WDR33: variants seen among roughly 807,000 people sequenced by gnomAD.
WDR33 encodes the protein pre-mRNA 3' end processing protein WDR33.
In WDR33, 47 loss-of-function variants were observed where a neutral mutation model predicts 164.9. The ratio of observed to expected loss-of-function variants is 0.29; its 90% CI spans 0.23 to 0.36. The LOEUF is 0.36. Among genes scored for constraint, WDR33 ranks in the 10% least tolerant of loss-of-function variants. WDR33 has a pLI of 1.00. For missense variants in WDR33, 1,137 were observed against 1,754.1 expected, an observed-to-expected ratio of 0.65 and a Z score of 6.28; for synonymous variants, 505 against 589.0, an observed-to-expected ratio of 0.86 and a Z score of 2.06.
chr2:127,787,833 C>T (rs1573461457), intron 1 of WDR33, among the ~76,000 whole-genome samples: 7 of 61,412 alleles, frequency 1.1e-4, no homozygotes, highest in South Asian at 6.4e-4. Flanking sequence ...GCTGGCCGGG[C>T]GGGGGGGCTG....
chr2:127,764,109 C>T lies in WDR33; in HGVS notation c.626+719G>A, dbSNP rs763165857. The T allele has an allele frequency of 1.9e-5, 19 of 988,834 alleles. No homozygotes were observed. Among genetic ancestry groups the T allele is most frequent in the Non-Finnish European group, 2.2e-5 (18 of 832,436 alleles). The allele number at this position is 988,834 out of a possible 1,614,324, so 61.3% of individuals were successfully genotyped here. On this transcript the variant is annotated intron_variant, in intron 6 of 21. Transcript: ENST00000322313. This position sits in a 1 kb window ranked among gnomAD's most constrained non-coding sequence, Gnocchi z 6.2. ...CAATTCTTCAGGCTTGTATTTGGAA[C>T]TTTTTCCCCCAGTTTTACTATACAT...
At chr2:127,771,353 C>T (rs1353544036) in intron 1 of WDR33, among the ~76,000 whole-genome samples, 1 of 152,152 alleles carries the variant, frequency 6.6e-6, no homozygotes, top group East Asian at 1.9e-4. Flanking sequence ...AACCGTAACA[C>T]AATAAGTATT....
chr2:127,729,676 T>C (rs183178787), intron 7 of WDR33, among the ~76,000 whole-genome samples: 13 of 152,198 alleles, frequency 8.5e-5, no homozygotes, highest in Admixed American at 7.8e-4. Flanking sequence ...TTTGTATTTT[T>C]GGTAGAGATA....
chr2:127,788,115 A>T (rs1211805171), intron 1 of WDR33, among the ~76,000 whole-genome samples: 3 of 71,504 alleles, frequency 4.2e-5, no homozygotes, highest in Admixed American at 1.3e-4. Flanking sequence ...GGCCGGGCTG[A>T]GGGGCTCCTC....
intron 7 of WDR33, among the ~76,000 whole-genome samples, chr2:127,756,333 CCAAA>C (rs1687517903): frequency 1.0e-5 from 1 of 100,448 alleles, no homozygotes; most frequent in African/African-American, 4.3e-5. Context: ...GATTCCAACT[CCAAA>C]AAAAAAAAAA....
intron 7 of WDR33, among the ~76,000 whole-genome samples, chr2:127,728,569 T>A (rs1373666898): frequency 6.6e-6 from 1 of 152,188 alleles, no homozygotes; most frequent in Non-Finnish European, 1.5e-5. Flanking sequence ...TGCTTTGTCT[T>A]TTAAAAAGAA....
chr2:127,717,239 G>A lies in WDR33; in HGVS notation c.2785C>T (p.Pro929Ser), dbSNP rs1265951751. ...NQEGQSTGPP[P>S]LIPGLGQQGA... ...TGCTGCCCTAGGCCTGGTATCAGGG[G>A]TGGGGGGCCTGTGCTCTGTCCTTCC... Residue 929 changes from proline to serine, a missense_variant, in exon 17 of 22, where the codon CCC becomes TCC. By Grantham distance (74) the Pro-to-Ser change is moderately conservative. Around this residue, in one of 9 missense-constraint regions of WDR33, gnomAD observed 867 missense variants for 1,073.0 expected, o/e 0.81. Transcript: ENST00000322313. The surrounding 1 kb of genome is among the most constrained non-coding windows in gnomAD (Gnocchi z 5.6). 4 of 1,603,118 alleles carry A rather than the reference G, an allele frequency of 2.5e-6. No individual in the cohort carries two copies. The highest frequency in any genetic ancestry group is 3.4e-6 in the Non-Finnish European group (4 of 1,175,260).
rs77640703 is a variant in WDR33, at chr2:127,809,303, C to T, written c.-24+1709G>A. Among the ~76,000 whole-genome samples, 344 of 152,106 alleles carry T rather than the reference C, an allele frequency of 2.3e-3. 1 individual carries two copies. The highest frequency in any genetic ancestry group is 7.9e-3 in the African/African-American group (328 of 41,504). On this transcript the variant is annotated intron_variant, in intron 1 of 21. Transcript: ENST00000322313. Reference sequence around the variant, plus strand: ...ATTAAAGCCTTACGTCAATATAAAACCGTGATGGCAAAATCTGTTTAGTAT... The same window carrying T: ...ATTAAAGCCTTACGTCAATATAAAATCGTGATGGCAAAATCTGTTTAGTAT...
intron 7 of WDR33, among the ~76,000 whole-genome samples, chr2:127,750,650 T>TAAAAAAA (rs1174539929): frequency 4.7e-4 from 7 of 14,962 alleles, no homozygotes; most frequent in Non-Finnish European, 8.0e-4. Flanking sequence ...AACTCCATCT[T>TAAAAAAA]AAAAAAAAAA....
intron 1 of WDR33, among the ~76,000 whole-genome samples, chr2:127,786,056 G>A (rs1688553777): frequency 6.6e-6 from 1 of 152,128 alleles, no homozygotes; most frequent in South Asian, 2.1e-4. Flanking sequence ...TATTTTTTGA[G>A]AGAGTCTCCC....
chr2:127,789,690 T>C (rs1414574326), intron 1 of WDR33, among the ~76,000 whole-genome samples: 1 of 151,816 alleles, frequency 6.6e-6, no homozygotes, highest in Non-Finnish European at 1.5e-5. Flanking sequence ...TAAAAGCCTT[T>C]TCATTTCTTT....
In WDR33 at chr2:127,709,869, A is replaced by G; in HGVS notation, c.3309-13T>C. The G allele has an allele frequency of 6.2e-7, 1 of 1,613,018 alleles. No individual in the cohort carries two copies. Among genetic ancestry groups the G allele is most frequent in the Non-Finnish European group, 8.5e-7 (1 of 1,179,652 alleles). On this transcript the variant is annotated splice_polypyrimidine_tract_variant and intron_variant, in intron 18 of 21. Transcript: ENST00000322313. This position sits in a 1 kb window ranked among gnomAD's most constrained non-coding sequence, Gnocchi z 5.0. ...TCCTCTTCTGAAACTGTAAAGAGAA[A>G]ACAGCAGAATGTCCATCTCAGAGAA...
At position 127,712,408 on chromosome 2, in the gene WDR33, A is replaced by G. The variant is rs995165898; in HGVS notation, c.3308+1175T>C. Among the ~76,000 whole-genome samples the G allele has an allele frequency of 6.6e-6, 1 of 152,210 alleles. No homozygotes were observed. Among genetic ancestry groups the G allele is most frequent in the East Asian group, 1.9e-4 (1 of 5,152 alleles). On this transcript the variant is annotated intron_variant, in intron 18 of 21. Transcript: ENST00000322313. The surrounding 1 kb of genome is among the most constrained non-coding windows in gnomAD (Gnocchi z 4.0). Reference sequence around the variant, plus strand: ...AGACTCCGTCTCAAGAAGAAAAAAAAAAAAAAAGAAATGGGATGAAAGGAC... The same window carrying G: ...AGACTCCGTCTCAAGAAGAAAAAAAGAAAAAAAGAAATGGGATGAAAGGAC...
At position 127,710,267 on chromosome 2, in the gene WDR33, G is replaced by A. The variant is rs1686126227; in HGVS notation, c.3309-411C>T. The stretch of plus-strand genomic sequence containing the variant: ...TGGTGATCTGAACTCAGCCAGTCTT[G>A]ACCCTCGGCCCAGGTTCTGTATCAC... On this transcript the variant is annotated intron_variant, in intron 18 of 21. Transcript: ENST00000322313. This position sits in a 1 kb window ranked among gnomAD's most constrained non-coding sequence, Gnocchi z 4.4. 1.3e-5 allele frequency among the ~76,000 whole-genome samples: 2 copies of A among 152,206 alleles called. No homozygotes were observed. Among genetic ancestry groups the A allele is most frequent in the African/African-American group, 4.8e-5 (2 of 41,452 alleles).
chr2:127,724,156 T>C lies in WDR33; in HGVS notation c.1196+177A>G, dbSNP rs938068493. On this transcript the variant is annotated intron_variant, in intron 11 of 21. Coordinates refer to ENST00000322313, the MANE Select transcript of WDR33 (RefSeq NM_018383.5). This position sits in a 1 kb window ranked among gnomAD's most constrained non-coding sequence, Gnocchi z 4.8. ...AACAAAATTTGAATAGCCAAAACCA[T>C]ATTCAATACCCAATCTCTTTATTGC... 6.6e-6 allele frequency among the ~76,000 whole-genome samples: 1 copy of C among 152,198 alleles called. No individual in the cohort carries two copies. The highest frequency in any genetic ancestry group is 1.5e-5 in the Non-Finnish European group (1 of 68,030).
intron 1 of WDR33, 173 bp downstream of exon 1, chr2:127,810,839 T>A (rs1558970013): frequency 6.6e-6 from 1 of 152,666 alleles, no homozygotes; most frequent in Non-Finnish European, 1.5e-5. Flanking sequence ...CCCCCTCCCA[T>A]AAGTCTCGAA....
At chr2:127,731,787 T>C (rs1486310503) in intron 7 of WDR33, among the ~76,000 whole-genome samples, 3 of 152,314 alleles carry the variant, frequency 2.0e-5, no homozygotes, top group Middle Eastern at 3.4e-3. Context: ...TATTACCTTA[T>C]TTAAATTATA....
intron 1 of WDR33, among the ~76,000 whole-genome samples, chr2:127,802,306 C>T (rs13430123): frequency 0.021 from 3,235 of 152,178 alleles, 124 homozygotes; most frequent in African/African-American, 0.075. Context: ...ACAGTAAAAA[C>T]TGGAATGAAC....
chr2:127,804,812 C>A (rs1003872191), intron 1 of WDR33, among the ~76,000 whole-genome samples: 1 of 152,104 alleles, frequency 6.6e-6, no homozygotes, highest in Non-Finnish European at 1.5e-5. Context: ...AATCATCAAT[C>A]ATTAAGTGAA....
Sources: gnomAD v4.1 joint callset for allele counts (sites outside exome capture counted in the v4.1 genomes callset) on GRCh38, gnomAD v4.1.1 for gene constraint, gnomAD v4.1.1 regional missense constraint, Gnocchi (gnomAD v3.1) non-coding constraint, MANE v1.5 for transcripts, NCBI Gene and HGNC (gene_info 2026-07-23, HGNC 2026-07-21) for gene names.